PNLDC1: variants seen among roughly 807,000 people sequenced by gnomAD.
The protein encoded by PNLDC1 is PARN like ribonuclease domain containing exonuclease 1, also known as poly(A)-specific ribonuclease PNLDC1.
Under a neutral mutation model 82.0 loss-of-function variants are expected in PNLDC1, and 70 were observed. That is an observed-to-expected ratio of 0.85 (90% CI 0.70 to 1.04). The LOEUF is 1.04. PNLDC1 is among the 50% of genes least tolerant of loss of function. The probability of loss-of-function intolerance (pLI) is 0.00; values close to 1 mark genes in which losing one functional copy is unlikely to be tolerated. For synonymous variants in PNLDC1, 280 were observed against 249.3 expected (o/e 1.12, Z -1.16); for missense variants, 631 against 661.1 (o/e 0.95, Z 0.50).
intron 1 of PNLDC1, 26 bp from the exon 2 acceptor site, chr6:159,800,746 A>T (rs1312925567): frequency 6.2e-7 from 1 of 1,614,152 alleles, no homozygotes; most frequent in Non-Finnish European, 8.5e-7. Flanking sequence ...GCACCCGAGG[A>T]CTGCTATTTT....
chr6:159,820,296 A>C (rs898474542), intron 18 of PNLDC1, among the ~76,000 whole-genome samples, 158 bp from the exon 19 acceptor site: 4 of 152,192 alleles, frequency 2.6e-5, no homozygotes, highest in African/African-American at 9.6e-5. Context: ...GAGCCAGCCT[A>C]ACCTCGAGAG....
At chr6:159,800,852 T>A (rs759896567) in intron 2 of PNLDC1, 23 bp downstream of exon 2, 2 of 1,613,950 alleles carry the variant, frequency 1.2e-6, no homozygotes, top group South Asian at 2.2e-5. Context: ...CTGTGTCCCC[T>A]CTGTATAAGA....
chr6:159,803,913 A>G (rs771293243), intron 4 of PNLDC1, 52 bp from the exon 5 acceptor site: 70 of 1,572,234 alleles, frequency 4.5e-5, no homozygotes, highest in Non-Finnish European at 5.7e-5. Flanking sequence ...CCTGGGAGCC[A>G]GAGTTTTTTA....
chr6:159,820,406 T>C, intron 18 of PNLDC1, 48 bp from the exon 19 acceptor site: 1 of 1,598,148 alleles, frequency 6.3e-7, no homozygotes, highest in Non-Finnish European at 8.6e-7. Context: ...TCGGTGCCTC[T>C]CGGCCTGCTG....
Position 159,804,619 on chromosome 6 carries a change from G to A in PNLDC1, c.443G>A (p.Gly148Glu), listed in dbSNP as rs1781381993. ...AAAATTAGACACGATATCCTGACTGGGAACTGGAGAGTTCGCAGGTATGGC... is the reference window on the plus strand; with the variant it reads ...AAAATTAGACACGATATCCTGACTGAGAACTGGAGAGTTCGCAGGTATGGC... ...EKKIRHDILT[G>E]NWRVRSSPDK... The change falls in exon 6 of 19, where the codon GGG (glycine) becomes GAG (glutamate). Residue 148 changes from glycine (G) to glutamate (E), a missense_variant. Coordinates refer to ENST00000392167, the MANE Select transcript of PNLDC1 (RefSeq NM_001271862.2). The A allele has an allele frequency of 6.2e-7, 1 of 1,607,948 alleles. No homozygotes were observed. The highest frequency in any genetic ancestry group is 8.5e-7 in the Non-Finnish European group (1 of 1,174,494).
chr6:159,800,923 T>C, intron 2 of PNLDC1, 94 bp downstream of exon 2: 1 of 1,574,918 alleles, frequency 6.3e-7, no homozygotes, highest in Non-Finnish European at 8.7e-7. Context: ...GGGCAGGACG[T>C]TTTGTGTGGC....
upstream of PNLDC1, among the ~76,000 whole-genome samples, chr6:159,799,673 G>A (rs1562493467): frequency 6.6e-6 from 1 of 152,136 alleles, no homozygotes; most frequent in Non-Finnish European, 1.5e-5. Flanking sequence ...AGGGATTTCC[G>A]CAAGGAGTGA....
intron 1 of PNLDC1, 89 bp downstream of exon 1, chr6:159,800,472 C>G: frequency 7.0e-7 from 1 of 1,438,170 alleles, no homozygotes; most frequent in Non-Finnish European, 9.4e-7. Flanking sequence ...GTTGCCAGGC[C>G]ACAGGGCCTC....
At chr6:159,802,591 G>A (rs1781301466) in intron 3 of PNLDC1, among the ~76,000 whole-genome samples, 3 of 151,680 alleles carry the variant, frequency 2.0e-5, no homozygotes, top group South Asian at 4.2e-4. Context: ...ATTTGTTTGG[G>A]GGGAAGGGGG....
intron 15 of PNLDC1, 78 bp downstream of exon 15, chr6:159,817,229 C>A: frequency 7.8e-7 from 1 of 1,286,192 alleles, no homozygotes; most frequent in Non-Finnish European, 1.1e-6. Flanking sequence ...GCCAACACCT[C>A]TCCAGTCCCA....
At position 159,808,743 on chromosome 6, in the gene PNLDC1, T is replaced by C; in HGVS notation, c.566T>C (p.Phe189Ser). The C allele has an allele frequency of 6.2e-7, 1 of 1,612,334 alleles. No homozygotes were observed. The highest frequency in any genetic ancestry group is 2.2e-5 in the East Asian group (1 of 44,862). ...CCCCTGTGTTTCCCTGCTGCAGGCT[T>C]CCAGGCCTTTGAGGTCCAACTGGTG... ...DWMTLPGITG[F>S]QAFEVQLVLR... is the part of the protein sequence containing the mutation. Residue 189 changes from phenylalanine (F) to serine (S), a missense_variant, in exon 8 of 19, where the codon TTC becomes TCC. Phe to Ser is a radical substitution (Grantham distance 155). Coordinates refer to ENST00000392167, the MANE Select transcript of PNLDC1 (RefSeq NM_001271862.2).
Position 159,819,791 on chromosome 6 carries a change from A to G in PNLDC1, c.1532+439A>G, listed in dbSNP as rs1011456237. 1.3e-5 allele frequency among the ~76,000 whole-genome samples: 2 copies of G among 152,036 alleles called. No homozygotes were observed. Among genetic ancestry groups the G allele is most frequent in the Non-Finnish European group, 2.9e-5 (2 of 68,004 alleles). ...AGGGGGCAGCAGGACGGAGCCTTCC[A>G]GTCAGGAGGTGCCCGGAGTGTCACG... On this transcript the variant is annotated intron_variant, in intron 18 of 18. Transcript: ENST00000392167. The surrounding 1 kb of genome is among the most constrained non-coding windows in gnomAD (Gnocchi z 4.6).
At chr6:159,809,185 C>T in intron 9 of PNLDC1, 27 bp downstream of exon 9, 1 of 1,609,572 alleles carries the variant, frequency 6.2e-7, no homozygotes, top group South Asian at 1.1e-5. Flanking sequence ...CTTTTCTTGG[C>T]CTAAAGGCAG....
chr6:159,804,131 T>C, intron 5 of PNLDC1, 43 bp downstream of exon 5: 1 of 1,604,138 alleles, frequency 6.2e-7, no homozygotes. Flanking sequence ...TTTTGTTTGT[T>C]TCTGAGATGG....
At position 159,819,226 on chromosome 6, in the gene PNLDC1, G is replaced by A; in HGVS notation, c.1434-28G>A. ...GCAGGCGGCGCCATCCTGCTGCCTG[G>A]CTGACCACAGCAAACTTGTTTTGGC... On this transcript the variant is annotated intron_variant, in intron 17 of 18. Transcript: ENST00000392167. The surrounding 1 kb of genome is among the most constrained non-coding windows in gnomAD (Gnocchi z 4.6). 6.2e-7 allele frequency: 1 copy of A among 1,612,974 alleles called. No homozygotes were observed. Among genetic ancestry groups the A allele is most frequent in the Non-Finnish European group, 8.5e-7 (1 of 1,179,596 alleles).
rs949778445 is a variant in PNLDC1, at chr6:159,817,245, C to T, written c.1157+94C>T. ...CCAACACCTCTCCAGTCCCAGGGTTCTACCAAAGAAGGGAGAATGTGAGGT... is the reference window on the plus strand; with the variant it reads ...CCAACACCTCTCCAGTCCCAGGGTTTTACCAAAGAAGGGAGAATGTGAGGT... On this transcript the variant is annotated intron_variant, in intron 15 of 18. Transcript: ENST00000392167. 5 of 1,176,534 alleles carry T rather than the reference C, an allele frequency of 4.2e-6. No individual in the cohort carries two copies. The Admixed American group carries it at 6.9e-5, about 16-fold the overall frequency. 72.9% of individuals were successfully genotyped at this position (1,176,534 alleles called of 1,614,324 possible).
At chr6:159,810,393 G>A (rs1781607285) in intron 10 of PNLDC1, among the ~76,000 whole-genome samples, 1 of 152,224 alleles carries the variant, frequency 6.6e-6, no homozygotes, top group African/African-American at 2.4e-5. Flanking sequence ...AGAAATGCAT[G>A]AAGTCAGAAG....
intron 11 of PNLDC1, 86 bp downstream of exon 11, chr6:159,811,872 G>T (rs1781656952): frequency 3.0e-6 from 3 of 998,904 alleles, no homozygotes; most frequent in African/African-American, 4.2e-5. Context: ...TTTTTCTTGT[G>T]TTTTTTTGTT....
upstream of PNLDC1, chr6:159,800,118 A>T: frequency 1.9e-6 from 1 of 530,440 alleles, no homozygotes; most frequent in Non-Finnish European, 3.4e-6. Context: ...AGCAAATCGT[A>T]CAATTAAAAC....
Sources: allele counts gnomAD v4.1 joint callset (sites outside exome capture counted in the v4.1 genomes callset), GRCh38; gene constraint gnomAD v4.1.1; non-coding constraint Gnocchi (gnomAD v3.1); transcripts MANE v1.5; gene names NCBI Gene and HGNC (gene_info 2026-07-23, HGNC 2026-07-21).